Variants in NSG2 observed in about 807,000 individuals in gnomAD.
The protein encoded by NSG2 is neuronal vesicle trafficking associated 2.
In NSG2, 4 loss-of-function variants were observed where a neutral mutation model predicts 16.9. The observed-to-expected ratio is 0.24, with a 90% CI of 0.12 to 0.54. The LOEUF (loss-of-function observed/expected upper bound fraction) is 0.54. NSG2 is among the 20% of genes least tolerant of loss of function. NSG2 has a pLI of 0.95. For synonymous variants in NSG2, 98 were observed against 88.7 expected, an observed-to-expected ratio of 1.11 and a Z score of -0.59; for missense variants, 179 against 221.1, an observed-to-expected ratio of 0.81 and a Z score of 1.21.
chr5:174,055,837 T>A (rs1257931607), intron 2 of NSG2, among the ~76,000 whole-genome samples: 1 of 152,204 alleles, frequency 6.6e-6, no homozygotes, highest in Non-Finnish European at 1.5e-5. Context: ...TCCCGCTCTA[T>A]GCCTCAGTCT....
rs60504798 is a variant in NSG2, at chr5:174,094,815, C to T, written c.214-9413C>T. Among the ~76,000 whole-genome samples the T allele has an allele frequency of 4.7e-3, 714 of 152,350 alleles. 4 individuals are homozygous for T. Among genetic ancestry groups the T allele is most frequent in the African/African-American group, 0.016 (677 of 41,586 alleles). ...AGTTAAGACGGGTCCTGAAAACTCA[C>T]TGCAGCCAGTGCTTTGTACCAAAAG... is the stretch of plus-strand genomic sequence containing the variant. On this transcript the variant is annotated intron_variant, in intron 3 of 4. Coordinates refer to ENST00000303177, the MANE Select transcript of NSG2 (RefSeq NM_015980.5).
At chr5:174,078,046 T>C (rs750773146) in intron 3 of NSG2, among the ~76,000 whole-genome samples, 1 of 152,202 alleles carries the variant, frequency 6.6e-6, no homozygotes, top group Admixed American at 6.5e-5. Context: ...TACATTTAAA[T>C]TGGTCAAAAC....
rs924714245 is a variant in NSG2, at chr5:174,109,058, C to T, written c.*1553C>T. ...AATAACAAGTTGTCCCTAGCAAAAC[C>T]GCTGAGCGCTTTATAATTTTGTGGT... is the stretch of plus-strand genomic sequence containing the variant. On this transcript the variant is annotated 3_prime_UTR_variant, in exon 5 of 5. Coordinates refer to ENST00000303177, the MANE Select transcript of NSG2 (RefSeq NM_015980.5). 2.6e-5 allele frequency: 4 copies of T among 152,722 alleles called. No individual in the cohort carries two copies. Among genetic ancestry groups the T allele is most frequent in the Admixed American group, 6.5e-5 (1 of 15,278 alleles). The allele number at this position is 152,722 out of a possible 1,614,324, so 9.5% of individuals were successfully genotyped here. A position where few individuals can be genotyped will look rare whatever the true frequency, so the allele number is the denominator to read the frequency against.
At chr5:174,054,692 TA>T (rs560262985) in intron 2 of NSG2, among the ~76,000 whole-genome samples, 19 of 151,770 alleles carry the variant, frequency 1.3e-4, no homozygotes, top group African/African-American at 3.6e-4. Context: ...GATTTTCTAT[TA>T]AAAAAAAATC....
intron 3 of NSG2, among the ~76,000 whole-genome samples, chr5:174,079,048 C>T (rs1760399289): frequency 6.6e-6 from 1 of 152,062 alleles, no homozygotes; most frequent in Non-Finnish European, 1.5e-5. Flanking sequence ...AGGGTATATA[C>T]ACCTTCCCTT....
At chr5:174,054,360 A>T (rs756556781) in intron 2 of NSG2, among the ~76,000 whole-genome samples, 1 of 152,222 alleles carries the variant, frequency 6.6e-6, no homozygotes, top group Non-Finnish European at 1.5e-5. Flanking sequence ...GTTTTTAACC[A>T]TAAGAATGCG....
At chr5:174,079,654 GA>G (rs1464164345) in intron 3 of NSG2, among the ~76,000 whole-genome samples, 6 of 152,078 alleles carry the variant, frequency 3.9e-5, no homozygotes, top group Non-Finnish European at 5.9e-5. Flanking sequence ...TATCTGGCTG[GA>G]CCATTTGTTC....
At chr5:174,049,058 G>A (rs1025257322) in intron 2 of NSG2, among the ~76,000 whole-genome samples, 1 of 152,158 alleles carries the variant, frequency 6.6e-6, no homozygotes, top group African/African-American at 2.4e-5. Context: ...AACCGCAAGA[G>A]GCTGGGCATG....
At chr5:174,084,325 G>A (rs1331270690) in intron 3 of NSG2, among the ~76,000 whole-genome samples, 6 of 152,216 alleles carry the variant, frequency 3.9e-5, no homozygotes, top group Admixed American at 3.3e-4. Context: ...AAGATAAGAT[G>A]AGCGAAACAA....
intron 3 of NSG2, among the ~76,000 whole-genome samples, chr5:174,070,716 A>T (rs898000548): frequency 6.6e-5 from 10 of 152,018 alleles, no homozygotes; most frequent in African/African-American, 1.2e-4. Flanking sequence ...CCCCTTCCTG[A>T]TCCTCTAGCT....
chr5:174,103,998 CA>C (rs201874666), intron 3 of NSG2, among the ~76,000 whole-genome samples: 18 of 151,456 alleles, frequency 1.2e-4, no homozygotes, highest in Non-Finnish European at 2.2e-4. Context: ...TAAACAACAA[CA>C]AAAAAAACCA....
chr5:174,057,425 G>A (rs1451624757), intron 2 of NSG2, among the ~76,000 whole-genome samples: 1 of 152,132 alleles, frequency 6.6e-6, no homozygotes, highest in African/African-American at 2.4e-5. Flanking sequence ...CTAAAAAAAA[G>A]GAACTGTGAC....
intron 2 of NSG2, among the ~76,000 whole-genome samples, chr5:174,050,032 T>C (rs565696613): frequency 2.7e-4 from 41 of 152,240 alleles, no homozygotes; most frequent in Admixed American, 2.5e-3. Flanking sequence ...GTTTCTTAAG[T>C]TGCCTCAGCA....
At chr5:174,057,900 A>G (rs1759989990) in intron 2 of NSG2, among the ~76,000 whole-genome samples, 1 of 152,192 alleles carries the variant, frequency 6.6e-6, no homozygotes, top group Admixed American at 6.5e-5. Context: ...GGAAACAAGG[A>G]AGCTGGCCAG....
Position 174,058,646 on chromosome 5 carries a change from G to A in NSG2, c.130-5586G>A, listed in dbSNP as rs556827012. On this transcript the variant is annotated intron_variant, in intron 2 of 4. Coordinates refer to ENST00000303177, the MANE Select transcript of NSG2 (RefSeq NM_015980.5). ...AGAACCAAGAGAGAGGCTGCCATGGGCCCAAGGGAGGAGAACCTTTCAAGG... is the reference window on the plus strand; with the variant it reads ...AGAACCAAGAGAGAGGCTGCCATGGACCCAAGGGAGGAGAACCTTTCAAGG... 2.6e-5 allele frequency among the ~76,000 whole-genome samples: 4 copies of A among 152,272 alleles called. No individual in the cohort carries two copies. The East Asian group carries it at 5.8e-4, about 22-fold the overall frequency.
chr5:174,066,280 G>A (rs747001411), intron 3 of NSG2: 16 of 455,984 alleles, frequency 3.5e-5, no homozygotes, highest in African/African-American at 6.0e-5. Flanking sequence ...GAATAAGCAG[G>A]TACCTGCATG....
chr5:174,073,508 C>T (rs1046213566), intron 3 of NSG2, among the ~76,000 whole-genome samples: 1 of 152,172 alleles, frequency 6.6e-6, no homozygotes, highest in Non-Finnish European at 1.5e-5. Context: ...TTTATTATTT[C>T]ACTTCTGGCC....
intron 2 of NSG2, among the ~76,000 whole-genome samples, chr5:174,048,093 A>G (rs1759829998): frequency 6.6e-6 from 1 of 152,254 alleles, no homozygotes; most frequent in Non-Finnish European, 1.5e-5. Context: ...GGGGTGGCAG[A>G]CAGAGAGAAT....
Position 174,064,250 on chromosome 5 carries a change from A to G in NSG2, c.148A>G (p.Thr50Ala). The G allele has an allele frequency of 1.2e-6, 2 of 1,610,952 alleles. No homozygotes were observed. Among genetic ancestry groups the G allele is most frequent in the Non-Finnish European group, 1.7e-6 (2 of 1,177,970 alleles). ...CTTTCAGGTGATTGTGAAGACAAGAACGGAATATCAGCCGGAACAGAAGAA... is the reference window on the plus strand; with the variant it reads ...CTTTCAGGTGATTGTGAAGACAAGAGCGGAATATCAGCCGGAACAGAAGAA... The part of the protein sequence containing the change: ...APEKVIVKTR[T>A]EYQPEQKNKG... The change falls in exon 3 of 5, where the codon ACG (threonine) becomes GCG (alanine). Residue 50 changes from threonine (T) to alanine (A), a missense_variant. Coordinates refer to ENST00000303177, the MANE Select transcript of NSG2 (RefSeq NM_015980.5).
Sources: gnomAD v4.1 joint callset for allele counts (sites outside exome capture counted in the v4.1 genomes callset) on GRCh38, gnomAD v4.1.1 for gene constraint, MANE v1.5 for transcripts, NCBI Gene and HGNC (gene_info 2026-07-23, HGNC 2026-07-21) for gene names.